Variants in HDAC2 observed in about 807,000 individuals in gnomAD.
HDAC2 encodes the protein histone deacetylase 2.
A neutral mutation model predicts 68.5 loss-of-function variants in HDAC2; 5 were observed. The observed-to-expected ratio is 0.07, with a 90% confidence interval of 0.04 to 0.15. The LOEUF (loss-of-function observed/expected upper bound fraction) is 0.15. Among genes scored for constraint, HDAC2 ranks in the 10% least tolerant of loss-of-function variants. The pLI is 1.00. For synonymous variants in HDAC2, 182 were observed against 191.3 expected (o/e 0.95, Z 0.40); for missense variants, 291 against 600.8 (o/e 0.48, Z 5.39).
At chr6:113,953,684 A>G (rs13204434) in intron 5 of HDAC2, among the ~76,000 whole-genome samples, 33,732 of 152,186 alleles carry the variant, frequency 0.22, 3,956 homozygotes, top group East Asian at 0.3. Flanking sequence ...AACATAGCAC[A>G]TATTTCTAAT....
At chr6:113,966,605 T>TA (rs1236798259) in intron 1 of HDAC2, among the ~76,000 whole-genome samples, 223 of 143,010 alleles carry the variant, frequency 1.6e-3, no homozygotes, top group African/African-American at 5.1e-3. Flanking sequence ...CATCACTAAT[T>TA]AAAAAAAAAA....
At chr6:113,963,212 T>C (rs1412728311) in intron 1 of HDAC2, among the ~76,000 whole-genome samples, 3 of 151,374 alleles carry the variant, frequency 2.0e-5, no homozygotes, top group Admixed American at 6.6e-5. Flanking sequence ...GCCTCCCAAG[T>C]AGCTGGGATT....
At chr6:113,970,599 C>T in intron 1 of HDAC2, 3 of 1,285,502 alleles carry the variant, frequency 2.3e-6, no homozygotes, top group South Asian at 2.5e-5. Flanking sequence ...TTCGAGGCTG[C>T]GGACTGCACG....
At chr6:113,949,391 A>C (rs1183247967) in intron 6 of HDAC2, 131 bp from the exon 7 acceptor site, 1 of 635,456 alleles carries the variant, frequency 1.6e-6, no homozygotes, top group African/African-American at 1.8e-5. Context: ...TTAGAAGTTG[A>C]GACCGGAACA....
intron 5 of HDAC2, 158 bp downstream of exon 5, chr6:113,955,855 C>T: frequency 1.8e-6 from 1 of 570,188 alleles, no homozygotes. Context: ...AAATTTCCTG[C>T]ATTTCTTCAT....
chr6:113,960,051 A>C (rs1562147890), intron 1 of HDAC2, 33 bp from the exon 2 acceptor site: 1 of 985,372 alleles, frequency 1.0e-6, no homozygotes, highest in Admixed American at 1.7e-5. Context: ...TAAACAATAC[A>C]GACAAGAGAC....
chr6:113,962,812 A>C (rs148717701), intron 1 of HDAC2, among the ~76,000 whole-genome samples: 2,745 of 151,726 alleles, frequency 0.018, 238 homozygotes, highest in Admixed American at 0.16. Flanking sequence ...AAATACAAAA[A>C]AAAAAGCCAG....
Position 113,940,962 on chromosome 6 carries a change from T to G in HDAC2, c.*96A>C. Reference sequence around the variant, plus strand: ...AAAATAAATACAGTCCATGCCAAAGTAGTATAAAATGAAGCCAGAAGTCTT... The same window carrying G: ...AAAATAAATACAGTCCATGCCAAAGGAGTATAAAATGAAGCCAGAAGTCTT... On this transcript the variant is annotated 3_prime_UTR_variant, in exon 14 of 14. Coordinates refer to ENST00000519065, the MANE Select transcript of HDAC2 (RefSeq NM_001527.4). 5 of 894,736 alleles carry G rather than the reference T, an allele frequency of 5.6e-6. No homozygotes were observed. Among genetic ancestry groups the G allele is most frequent in the Non-Finnish European group, 7.0e-6 (4 of 567,538 alleles). 55.4% of individuals were successfully genotyped at this position (894,736 alleles called of 1,614,324 possible). A position where few individuals can be genotyped will look rare whatever the true frequency, so the allele number is the denominator to read the frequency against.
chr6:113,947,795 T>C lies in HDAC2; in HGVS notation c.841+1184A>G, dbSNP rs548695359. On this transcript the variant is annotated intron_variant, in intron 8 of 13. Coordinates refer to ENST00000519065, the MANE Select transcript of HDAC2 (RefSeq NM_001527.4). Reference sequence around the variant, plus strand: ...ATAACAGATTATACCATAATTCTAATATAGCTGGTATAGTAGCAATCATAA... The same window carrying C: ...ATAACAGATTATACCATAATTCTAACATAGCTGGTATAGTAGCAATCATAA... The C allele has an allele frequency of 1.5e-4, 23 of 152,292 alleles. No homozygotes were observed. The East Asian group carries it at 2.9e-3, about 19-fold the overall frequency. The allele number at this position is 152,292 out of a possible 1,614,324, so 9.4% of individuals were successfully genotyped here.
intron 1 of HDAC2, among the ~76,000 whole-genome samples, chr6:113,960,375 T>C (rs74296423): frequency 5.1e-4 from 77 of 152,194 alleles, no homozygotes; most frequent in East Asian, 3.5e-3. Context: ...CTGAGTTTTA[T>C]TGGTATGATT....
At chr6:113,968,707 G>C (rs1005383219) in intron 1 of HDAC2, 1 of 152,172 alleles carries the variant, frequency 6.6e-6, no homozygotes. Flanking sequence ...CTACAATAAA[G>C]TATCATATTA....
intron 12 of HDAC2, among the ~76,000 whole-genome samples, chr6:113,942,019 A>C (rs2114587101): frequency 1.3e-5 from 2 of 152,186 alleles, no homozygotes; most frequent in Non-Finnish European, 2.9e-5. Context: ...GATTTAAAAA[A>C]AGCTTTCTGT....
At chr6:113,945,833 C>T (rs940299097) in intron 9 of HDAC2, among the ~76,000 whole-genome samples, 175 bp downstream of exon 9, 11 of 152,086 alleles carry the variant, frequency 7.2e-5, no homozygotes, top group African/African-American at 1.4e-4. Context: ...GTTCTGAGCA[C>T]GTTTAAAGTA....
chr6:113,965,978 A>G (rs1411052202), intron 1 of HDAC2, among the ~76,000 whole-genome samples: 1 of 151,674 alleles, frequency 6.6e-6, no homozygotes, highest in Non-Finnish European at 1.5e-5. Flanking sequence ...AGAAGCATTT[A>G]AAGTTTTTGT....
intron 1 of HDAC2, chr6:113,968,544 C>T (rs771824442): frequency 1.3e-5 from 2 of 152,088 alleles, no homozygotes; most frequent in Non-Finnish European, 2.9e-5. Flanking sequence ...TTAATTCCCT[C>T]CCACAAAAAT....
chr6:113,956,615 T>C lies in HDAC2; in HGVS notation c.358+4A>G. The C allele has an allele frequency of 6.2e-7, 1 of 1,604,202 alleles. No individual in the cohort carries two copies. Among genetic ancestry groups the C allele is most frequent in the Non-Finnish European group, 8.5e-7 (1 of 1,171,016 alleles). On this transcript the variant is annotated splice_donor_region_variant and intron_variant, in intron 4 of 13. Coordinates refer to ENST00000519065, the MANE Select transcript of HDAC2 (RefSeq NM_001527.4). ...CTTTTAAATCTGATTGCATTAGCAC[T>C]TACCAACTGAACCGCCAGTTGAGAG...
At position 113,939,251 on chromosome 6, in the gene HDAC2, G is replaced by A. The variant is rs1033208605; in HGVS notation, c.*1807C>T. On this transcript the variant is annotated 3_prime_UTR_variant, in exon 14 of 14. Transcript: ENST00000519065. ...GGATGCCAGAACATCTGGAGCCTGCGAAATGGTATTTTCTTATTTAAAACA... is the reference window on the plus strand; with the variant it reads ...GGATGCCAGAACATCTGGAGCCTGCAAAATGGTATTTTCTTATTTAAAACA... The A allele has an allele frequency of 7.2e-5, 11 of 152,092 alleles. No individual in the cohort carries two copies. The highest frequency in any genetic ancestry group is 1.9e-4 in the East Asian group (1 of 5,178). 9.4% of individuals were successfully genotyped at this position (152,092 alleles called of 1,614,324 possible). A position where few individuals can be genotyped will look rare whatever the true frequency, so the allele number is the denominator to read the frequency against.
At chr6:113,953,172 A>G (rs375020460) in intron 6 of HDAC2, 105 bp downstream of exon 6, 1 of 790,198 alleles carries the variant, frequency 1.3e-6, no homozygotes, top group African/African-American at 1.7e-5. Flanking sequence ...TTCTGCATAC[A>G]AGTTTCAAAT....
intron 13 of HDAC2, 25 bp from the exon 14 acceptor site, chr6:113,941,113 A>T: frequency 6.3e-7 from 1 of 1,599,258 alleles, no homozygotes; most frequent in East Asian, 2.2e-5. Flanking sequence ...AATGTGAAAT[A>T]TTAAAAATGG....
Sources: allele counts gnomAD v4.1 joint callset (sites outside exome capture counted in the v4.1 genomes callset), GRCh38; gene constraint gnomAD v4.1.1; transcripts MANE v1.5; gene names NCBI Gene and HGNC (gene_info 2026-07-23, HGNC 2026-07-21).